Variants in RBFOX1 observed in about 807,000 individuals in gnomAD.
The protein encoded by RBFOX1 is RNA binding fox-1 homolog 1.
In RBFOX1, 8 loss-of-function variants were observed where a neutral mutation model predicts 57.7. That is an observed-to-expected ratio of 0.14 (90% CI 0.08 to 0.25). RBFOX1 has a LOEUF of 0.25. RBFOX1 is among the 10% of genes least tolerant of loss of function. The probability of loss-of-function intolerance (pLI) is 1.00; values close to 1 mark genes in which losing one functional copy is unlikely to be tolerated. For missense variants in RBFOX1, 611 were observed against 548.5 expected (o/e 1.11, Z -1.14); for synonymous variants, 326 against 222.4 (o/e 1.47, Z -4.15).
intron 4 of RBFOX1, among the ~76,000 whole-genome samples, chr16:7,105,438 A>G (rs2151451080): frequency 6.6e-6 from 1 of 152,140 alleles, no homozygotes; most frequent in Non-Finnish European, 1.5e-5. Flanking sequence ...CTCAAGCAGT[A>G]TACACTGCAC....
At chr16:7,311,308 T>C (rs2096300841) in intron 4 of RBFOX1, among the ~76,000 whole-genome samples, 1 of 151,858 alleles carries the variant, frequency 6.6e-6, no homozygotes, top group African/African-American at 2.4e-5. Flanking sequence ...GGAACTGGAG[T>C]GGAAAGCATT....
intron 3 of RBFOX1, among the ~76,000 whole-genome samples, chr16:5,866,747 T>C (rs977752712): frequency 2.6e-4 from 40 of 152,310 alleles, no homozygotes; most frequent in African/African-American, 9.1e-4. Context: ...ATTTATGAAA[T>C]GGGGTCATAA....
At chr16:6,620,298 T>A (rs1164803775) in intron 2 of RBFOX1, among the ~76,000 whole-genome samples, 3 of 152,146 alleles carry the variant, frequency 2.0e-5, no homozygotes, top group Non-Finnish European at 4.4e-5. Flanking sequence ...TTGAAACTAA[T>A]GAGAACAAAG....
intron 1 of RBFOX1, among the ~76,000 whole-genome samples, chr16:6,203,414 A>C (rs1227473862): frequency 6.6e-6 from 1 of 152,186 alleles, no homozygotes; most frequent in Non-Finnish European, 1.5e-5. Flanking sequence ...AGTAAATCCA[A>C]AAAGGATTTA....
Position 7,495,431 on chromosome 16 carries a change from C to A in RBFOX1, c.28-22716C>A, listed in dbSNP as rs117042891. 3.1e-3 allele frequency among the ~76,000 whole-genome samples: 474 copies of A among 152,320 alleles called. 3 individuals carry two copies. Among genetic ancestry groups the A allele is most frequent in the Non-Finnish European group, 5.2e-3 (351 of 68,024 alleles). The stretch of plus-strand genomic sequence containing the variant: ...AGTGGCTGAACTAATTTTACACACC[C>A]ACCAAAAGTGTATCAGCCATCCTTT... On this transcript the variant is annotated intron_variant, in intron 4 of 15. Transcript: ENST00000550418.
At chr16:5,597,965 T>G (rs761817549) in intron 2 of RBFOX1, among the ~76,000 whole-genome samples, 4 of 152,144 alleles carry the variant, frequency 2.6e-5, no homozygotes, top group Non-Finnish European at 2.9e-5. Flanking sequence ...GACCTACTTC[T>G]TAATACCCTA....
chr16:5,464,981 T>C (rs2068908095), intron 1 of RBFOX1, among the ~76,000 whole-genome samples: 1 of 151,926 alleles, frequency 6.6e-6, no homozygotes, highest in African/African-American at 2.4e-5. Context: ...GACACAGGGG[T>C]CTGGAGACTG....
intron 1 of RBFOX1, among the ~76,000 whole-genome samples, chr16:5,386,612 TC>T (rs1257764328): frequency 7.9e-5 from 12 of 152,178 alleles, no homozygotes; most frequent in Non-Finnish European, 1.6e-4. Context: ...CTTACCCTTG[TC>T]CTGGAGGTCC....
chr16:6,830,441 G>T (rs116906966), intron 3 of RBFOX1, among the ~76,000 whole-genome samples: 1 of 152,194 alleles, frequency 6.6e-6, no homozygotes, highest in East Asian at 1.9e-4. Flanking sequence ...CACAGGGACC[G>T]TAAGAGGAAG....
chr16:6,494,361 A>G (rs528490535), intron 2 of RBFOX1, among the ~76,000 whole-genome samples: 13 of 152,194 alleles, frequency 8.5e-5, no homozygotes, highest in African/African-American at 3.1e-4. Flanking sequence ...AACCACAGCT[A>G]TCTCTCGCGA....
chr16:5,593,237 A>T (rs766377785), intron 2 of RBFOX1, among the ~76,000 whole-genome samples: 9 of 152,094 alleles, frequency 5.9e-5, no homozygotes, highest in Non-Finnish European at 1.2e-4. Flanking sequence ...AAACTAACAC[A>T]GGAACAGAAA....
At chr16:6,274,576 T>G (rs2075587059) in intron 1 of RBFOX1, among the ~76,000 whole-genome samples, 1 of 152,138 alleles carries the variant, frequency 6.6e-6, no homozygotes, top group Non-Finnish European at 1.5e-5. Flanking sequence ...AAGGGCAACA[T>G]GAAGGATCTT....
chr16:5,509,856 C>T (rs1241795235), intron 2 of RBFOX1, among the ~76,000 whole-genome samples: 2 of 152,118 alleles, frequency 1.3e-5, no homozygotes, highest in Non-Finnish European at 2.9e-5. Context: ...TGCGGGGTGT[C>T]CCAGATGGTG....
chr16:5,734,546 A>AG lies in RBFOX1; in HGVS notation c.319-132756dup, dbSNP rs567130657. Among the ~76,000 whole-genome samples, 57 of 152,360 alleles carry AG rather than the reference A, an allele frequency of 3.7e-4. 2 individuals are homozygous for AG. In the South Asian group the frequency reaches 4.8e-3, roughly 13 times the overall value. ...TGCCATTGCCAAAGAAACCCTTGGT[A>AG]GAGGAAATGAGGCAGCATCCATGTT... is the stretch of plus-strand genomic sequence containing the variant. On this transcript the variant is annotated intron_variant, in intron 3 of 19. Transcript: ENST00000641259.
intron 1 of RBFOX1, among the ~76,000 whole-genome samples, chr16:5,354,945 G>C (rs990773296): frequency 6.6e-6 from 1 of 152,112 alleles, no homozygotes. Flanking sequence ...GTGGTTAAGG[G>C]TCCCGTGGCT....
chr16:7,649,715 C>A (rs1328680337), intron 11 of RBFOX1, among the ~76,000 whole-genome samples: 1 of 152,112 alleles, frequency 6.6e-6, no homozygotes, highest in Non-Finnish European at 1.5e-5. Flanking sequence ...GTACCTGATA[C>A]CTGCTTGGTA....
intron 9 of RBFOX1, among the ~76,000 whole-genome samples, chr16:7,598,772 T>C (rs1228914440): frequency 6.6e-6 from 1 of 152,206 alleles, no homozygotes; most frequent in Non-Finnish European, 1.5e-5. Flanking sequence ...GTTCCTTTAA[T>C]TTAATATATA....
intron 4 of RBFOX1, among the ~76,000 whole-genome samples, chr16:5,954,493 C>A (rs111382158): frequency 1.3e-5 from 2 of 152,052 alleles, no homozygotes; most frequent in African/African-American, 4.8e-5. Context: ...CAGAGATGCT[C>A]GTGGTGCCCT....
intron 4 of RBFOX1, among the ~76,000 whole-genome samples, chr16:7,055,691 C>T (rs977636775): frequency 2.6e-5 from 4 of 152,166 alleles, no homozygotes; most frequent in Admixed American, 6.6e-5. Context: ...TTGGCTACAG[C>T]AGTTATGATT....
Sources: allele counts gnomAD v4.1 joint callset (sites outside exome capture counted in the v4.1 genomes callset), GRCh38; gene constraint gnomAD v4.1.1; transcripts MANE v1.5; gene names NCBI Gene and HGNC (gene_info 2026-07-23, HGNC 2026-07-21).